The following FANCC variants were observed in gnomAD, a reference collection of about 807,000 sequenced individuals.
FANCC encodes FA complementation group C.
Under a neutral mutation model 71.3 loss-of-function variants are expected in FANCC, and 55 were observed. That is an observed-to-expected ratio of 0.77 (90% CI 0.62 to 0.97). The LOEUF is 0.97. Ranked by LOEUF, FANCC falls within the 50% of genes least tolerant of loss-of-function variation. The pLI is 0.00. For missense variants in FANCC, 678 were observed against 670.9 expected, an observed-to-expected ratio of 1.01 and a Z score of -0.12; for synonymous variants, 275 against 244.9, an observed-to-expected ratio of 1.12 and a Z score of -1.15.
chr9:95,154,245 C>CAAAAAA (rs58720791), intron 6 of FANCC, among the ~76,000 whole-genome samples: 7 of 49,956 alleles, frequency 1.4e-4, no homozygotes, highest in African/African-American at 5.4e-4. Context: ...GACTCCGTCT[C>CAAAAAA]AAAAAAAAAA....
intron 4 of FANCC, among the ~76,000 whole-genome samples, chr9:95,216,905 T>C (rs1412962406): frequency 6.6e-6 from 1 of 152,136 alleles, no homozygotes; most frequent in Non-Finnish European, 1.5e-5. Context: ...GTCTAACTTG[T>C]TACCTTCCAA....
chr9:95,115,946 C>T (rs112642751), intron 11 of FANCC, among the ~76,000 whole-genome samples: 9 of 152,324 alleles, frequency 5.9e-5, no homozygotes, highest in African/African-American at 2.2e-4. Context: ...AAGATCATGC[C>T]ACTAAAAAAC....
At position 95,264,580 on chromosome 9, in the gene FANCC, C is replaced by G. The variant is rs77696071; in HGVS notation, c.-78-15211G>C. Among the ~76,000 whole-genome samples the G allele has an allele frequency of 3.3e-3, 506 of 152,270 alleles. 9 individuals are homozygous for G. The East Asian group carries it at 0.043, about 13-fold the overall frequency. On this transcript the variant is annotated intron_variant, in intron 1 of 14. Coordinates refer to ENST00000289081, the MANE Select transcript of FANCC (RefSeq NM_000136.3). ...CCAAATATGGACCATATAAGCTTCT[C>G]AAAGTGGAGGCGACCTGATAAAGTG...
At chr9:95,261,907 G>A (rs1367015896) in intron 1 of FANCC, among the ~76,000 whole-genome samples, 2 of 152,108 alleles carry the variant, frequency 1.3e-5, no homozygotes, top group Non-Finnish European at 2.9e-5. Context: ...GTGAGGGGCT[G>A]GGATAAAGTA....
In FANCC at chr9:95,110,661, C is replaced by T. The variant is rs1048865873; in HGVS notation, c.1329+802G>A. 5.7e-6 allele frequency: 6 copies of T among 1,048,868 alleles called. No homozygotes were observed. The African/African-American group carries it at 1.0e-4, about 17-fold the overall frequency. The allele number at this position is 1,048,868 out of a possible 1,614,324, so 65.0% of individuals were successfully genotyped here. A position where few individuals can be genotyped will look rare whatever the true frequency, so the allele number is the denominator to read the frequency against. ...CTTTATTAGTCTGTGTGTTTTCAAACAACAGAAAATGCCAAAGCCAAGAGA... is the reference window on the plus strand; with the variant it reads ...CTTTATTAGTCTGTGTGTTTTCAAATAACAGAAAATGCCAAAGCCAAGAGA... On this transcript the variant is annotated intron_variant, in intron 13 of 14. Transcript: ENST00000289081.
intron 6 of FANCC, among the ~76,000 whole-genome samples, chr9:95,158,766 A>G (rs565080668): frequency 1.4e-4 from 22 of 152,324 alleles, no homozygotes; most frequent in African/African-American, 4.1e-4. Context: ...TTAAAAAGTC[A>G]TATTTCTTGG....
chr9:95,126,619 C>T (rs762232336), intron 8 of FANCC, 38 bp from the exon 9 acceptor site: 2 of 1,603,670 alleles, frequency 1.2e-6, no homozygotes, highest in South Asian at 2.2e-5. Flanking sequence ...TGAAATATCA[C>T]AAGCACTTTC....
At chr9:95,306,451 G>T (rs966776047) in intron 1 of FANCC, among the ~76,000 whole-genome samples, 1 of 152,118 alleles carries the variant, frequency 6.6e-6, no homozygotes, top group East Asian at 1.9e-4. Flanking sequence ...GAAAGCCTGC[G>T]AAAGACTTGC....
At chr9:95,312,756 C>G (rs1233020228) in intron 1 of FANCC, among the ~76,000 whole-genome samples, 1 of 152,190 alleles carries the variant, frequency 6.6e-6, no homozygotes, top group Non-Finnish European at 1.5e-5. Context: ...TAAGGAGGAG[C>G]CACTGCCCCT....
chr9:95,217,556 A>T (rs1028228861), intron 4 of FANCC, among the ~76,000 whole-genome samples: 3 of 150,266 alleles, frequency 2.0e-5, no homozygotes, highest in Admixed American at 6.6e-5. Context: ...AAAATTAGTA[A>T]ATTTTTTTTA....
chr9:95,139,736 C>G (rs1371264404), intron 7 of FANCC, among the ~76,000 whole-genome samples: 1 of 150,684 alleles, frequency 6.6e-6, no homozygotes, highest in Non-Finnish European at 1.5e-5. Flanking sequence ...GGTATGGCTA[C>G]CAGAATTACT....
At chr9:95,138,136 C>A (rs1828001260) in intron 7 of FANCC, among the ~76,000 whole-genome samples, 2 of 152,238 alleles carry the variant, frequency 1.3e-5, no homozygotes, top group African/African-American at 2.4e-5. Context: ...ACAAAATTAT[C>A]CCCTCCCCGC....
chr9:95,213,763 T>C lies in FANCC; in HGVS notation c.345+26886A>G, dbSNP rs144628459. Among the ~76,000 whole-genome samples, 1,124 of 152,310 alleles carry C rather than the reference T, an allele frequency of 7.4e-3. 9 individuals carry two copies. The highest frequency in any genetic ancestry group is 0.01 in the Non-Finnish European group (696 of 68,026). ...ACAGATTTGGCAATGATTTCTTGGA[T>C]GTGACACCAAAGGCACGGACAACAA... On this transcript the variant is annotated intron_variant, in intron 4 of 14. Coordinates refer to ENST00000289081, the MANE Select transcript of FANCC (RefSeq NM_000136.3).
intron 4 of FANCC, among the ~76,000 whole-genome samples, chr9:95,221,208 A>G (rs1564766187): frequency 2.6e-5 from 4 of 151,966 alleles, no homozygotes; most frequent in Non-Finnish European, 5.9e-5. Flanking sequence ...GAGCATCTGA[A>G]AAAAACAAAA....
chr9:95,292,449 G>A, intron 1 of FANCC: 10 of 1,192,712 alleles, frequency 8.4e-6, no homozygotes, highest in Non-Finnish European at 1.0e-5. Flanking sequence ...GGGCCCGTGG[G>A]TGCCCCCGGG....
At chr9:95,265,055 A>G (rs1832304738) in intron 1 of FANCC, among the ~76,000 whole-genome samples, 1 of 150,886 alleles carries the variant, frequency 6.6e-6, no homozygotes, top group Non-Finnish European at 1.5e-5. Context: ...AACAAATGGT[A>G]TTTTTCCTCC....
chr9:95,269,391 A>G (rs1832590565), intron 1 of FANCC, among the ~76,000 whole-genome samples: 2 of 152,252 alleles, frequency 1.3e-5, no homozygotes, highest in Admixed American at 1.3e-4. Flanking sequence ...GATGATTACA[A>G]TAGTCCTTTT....
chr9:95,293,790 T>C (rs113007147), intron 1 of FANCC: 2 of 1,613,946 alleles, frequency 1.2e-6, no homozygotes, highest in Admixed American at 3.3e-5. Context: ...GGACACCTGT[T>C]TCCAGTCGGG....
Position 95,249,331 on chromosome 9 carries a change from C to G in FANCC, c.-40G>C. On this transcript the variant is annotated 5_prime_UTR_variant, in exon 2 of 15. Coordinates refer to ENST00000289081, the MANE Select transcript of FANCC (RefSeq NM_000136.3). ...AAAGGTGATGTCCCTTCACAGCAGC[C>G]TGTCCAGCACTGAAGGAAATGGTCG... The G allele has an allele frequency of 6.3e-7, 1 of 1,592,922 alleles. No homozygotes were observed. The highest frequency in any genetic ancestry group is 8.6e-7 in the Non-Finnish European group (1 of 1,161,896).
Sources: gnomAD v4.1 joint callset for allele counts (sites outside exome capture counted in the v4.1 genomes callset) on GRCh38, gnomAD v4.1.1 for gene constraint, MANE v1.5 for transcripts, NCBI Gene and HGNC (gene_info 2026-07-23, HGNC 2026-07-21) for gene names.